Variants in KCNMA1 observed in about 807,000 individuals in gnomAD.
The protein encoded by KCNMA1 is potassium calcium-activated channel subfamily M alpha 1.
KCNMA1 carries 29 observed loss-of-function variants against 140.0 expected under a neutral mutation model. The observed-to-expected ratio is 0.21, with a 90% CI of 0.15 to 0.28. The LOEUF (loss-of-function observed/expected upper bound fraction) is 0.28. Ranked by LOEUF, KCNMA1 falls within the 10% of genes least tolerant of loss-of-function variation. The probability of loss-of-function intolerance (pLI) is 1.00; values close to 1 mark genes in which losing one functional copy is unlikely to be tolerated. For missense variants in KCNMA1, 880 were observed against 1,602.2 expected (o/e 0.55, Z 7.70); for synonymous variants, 612 against 611.9 (o/e 1.00, Z 0.00).
chr10:77,503,534 G>A (rs2044681082), intron 1 of KCNMA1, among the ~76,000 whole-genome samples: 2 of 152,114 alleles, frequency 1.3e-5, no homozygotes, highest in Non-Finnish European at 2.9e-5. Flanking sequence ...AAGCCGGGTG[G>A]CTTTATTTCA....
rs1311835688 is a variant in KCNMA1, at chr10:77,108,339, G to A, written c.1223+142C>T. On this transcript the variant is annotated intron_variant, in intron 9 of 27. Coordinates refer to ENST00000286628, the MANE Select transcript of KCNMA1 (RefSeq NM_001161352.2). The surrounding 1 kb of genome is among the most constrained non-coding windows in gnomAD (Gnocchi z 4.6). ...CGCCGAATTTATTCCGACTCAGGATGAGAGCAGCAATTTCGGGCACGTAGC... is the reference window on the plus strand; with the variant it reads ...CGCCGAATTTATTCCGACTCAGGATAAGAGCAGCAATTTCGGGCACGTAGC... The A allele has an allele frequency of 1.9e-6, 3 of 1,573,462 alleles. No homozygotes were observed. The highest frequency in any genetic ancestry group is 2.7e-5 in the African/African-American group (2 of 73,626).
chr10:77,607,298 G>A (rs776484040), intron 1 of KCNMA1, among the ~76,000 whole-genome samples: 8 of 152,148 alleles, frequency 5.3e-5, no homozygotes, highest in Non-Finnish European at 1.0e-4. Flanking sequence ...TCCTACCTCT[G>A]CTTGCAAAAG....
chr10:77,608,184 T>C (rs903672078), intron 1 of KCNMA1, among the ~76,000 whole-genome samples: 1 of 151,980 alleles, frequency 6.6e-6, no homozygotes, highest in African/African-American at 2.4e-5. Context: ...CTCATTTCTT[T>C]TTTTTGGAGA....
chr10:77,353,609 T>C (rs758125172), intron 2 of KCNMA1, among the ~76,000 whole-genome samples: 2 of 151,832 alleles, frequency 1.3e-5, no homozygotes, highest in South Asian at 2.1e-4. Context: ...TATATACATA[T>C]ATAATGCATA....
At chr10:77,008,267 T>C in intron 18 of KCNMA1, 1 of 1,427,598 alleles carries the variant, frequency 7.0e-7, no homozygotes. Flanking sequence ...AAATCAAAGA[T>C]ATGTCAATGA....
At chr10:77,509,129 TTG>T in intron 1 of KCNMA1, among the ~76,000 whole-genome samples, 1 of 143,480 alleles carries the variant, frequency 7.0e-6, no homozygotes, top group African/African-American at 2.7e-5. Context: ...GTTGTTGTTG[TTG>T]TTGTTGTTTG....
At position 77,345,713 on chromosome 10, in the gene KCNMA1, C is replaced by T. The variant is rs150251215; in HGVS notation, c.540+58149G>A. Among the ~76,000 whole-genome samples, 311 of 152,312 alleles carry T rather than the reference C, an allele frequency of 2.0e-3. 1 individual carries two copies. Among genetic ancestry groups the T allele is most frequent in the African/African-American group, 7.0e-3 (291 of 41,562 alleles). ...GTCTTCAACTGCCATGCAAATACCC[C>T]CTACTCTGCACCATGCAGTTCCCAT... On this transcript the variant is annotated intron_variant, in intron 2 of 27. Transcript: ENST00000286628.
At chr10:77,009,309 C>T (rs569919645) in intron 18 of KCNMA1, among the ~76,000 whole-genome samples, 4 of 152,192 alleles carry the variant, frequency 2.6e-5, no homozygotes, top group Non-Finnish European at 5.9e-5. Context: ...ATGGGCCTCT[C>T]TCTCCAGGAT....
intron 21 of KCNMA1, among the ~76,000 whole-genome samples, chr10:76,950,834 C>T (rs1418977264): frequency 3.3e-5 from 5 of 152,146 alleles, no homozygotes; most frequent in African/African-American, 9.7e-5. Flanking sequence ...TGCAATAGTC[C>T]AGGGAAACCG....
At chr10:77,296,989 T>G (rs1007225891) in intron 2 of KCNMA1, among the ~76,000 whole-genome samples, 2 of 151,962 alleles carry the variant, frequency 1.3e-5, no homozygotes, top group Non-Finnish European at 2.9e-5. Flanking sequence ...GAGCCTGGAC[T>G]TCCCCCAGCC....
At chr10:77,292,732 A>T (rs2073712269) in intron 2 of KCNMA1, among the ~76,000 whole-genome samples, 1 of 152,190 alleles carries the variant, frequency 6.6e-6, no homozygotes, top group African/African-American at 2.4e-5. Flanking sequence ...AGTTCCCTAC[A>T]TTAAATATAC....
intron 2 of KCNMA1, among the ~76,000 whole-genome samples, chr10:77,396,989 G>C (rs1363649645): frequency 6.6e-6 from 1 of 152,178 alleles, no homozygotes; most frequent in Non-Finnish European, 1.5e-5. Context: ...GTAAAGTCTA[G>C]GCAGTGTAGA....
chr10:76,936,440 T>TC (rs751224038), intron 23 of KCNMA1, among the ~76,000 whole-genome samples: 3 of 152,198 alleles, frequency 2.0e-5, no homozygotes, highest in Admixed American at 6.5e-5. Flanking sequence ...TAATTGTCTT[T>TC]CTGGTTTTTG....
downstream of KCNMA1, chr10:76,876,990 A>G (rs2032509991): frequency 6.6e-6 from 1 of 152,600 alleles, no homozygotes; most frequent in South Asian, 2.1e-4. Flanking sequence ...TGTGCCCACA[A>G]CCCTCCTGGT....
At chr10:76,954,540 AG>A (rs1413766110) in intron 20 of KCNMA1, among the ~76,000 whole-genome samples, 1 of 152,238 alleles carries the variant, frequency 6.6e-6, no homozygotes, top group Non-Finnish European at 1.5e-5. Flanking sequence ...TTAAAGATTC[AG>A]CAGCATGTCA....
At chr10:77,313,593 G>A (rs1025792267) in intron 2 of KCNMA1, among the ~76,000 whole-genome samples, 1 of 152,134 alleles carries the variant, frequency 6.6e-6, no homozygotes, top group Non-Finnish European at 1.5e-5. Flanking sequence ...GGAAACTCAG[G>A]GAAAGCAGAT....
chr10:77,276,352 C>T (rs1260047803), intron 2 of KCNMA1, among the ~76,000 whole-genome samples: 1 of 152,222 alleles, frequency 6.6e-6, no homozygotes, highest in African/African-American at 2.4e-5. Context: ...AACTCAGAAT[C>T]TTGAGCCAGT....
intron 23 of KCNMA1, among the ~76,000 whole-genome samples, chr10:76,930,593 C>G (rs1012187439): frequency 6.6e-6 from 1 of 152,122 alleles, no homozygotes; most frequent in Admixed American, 6.6e-5. Context: ...AATAGAACCA[C>G]CACATGATTT....
intron 19 of KCNMA1, among the ~76,000 whole-genome samples, chr10:77,000,186 G>A (rs953840949): frequency 2.6e-5 from 4 of 152,238 alleles, no homozygotes; most frequent in African/African-American, 9.6e-5. Context: ...AGGACAGGGA[G>A]CAAGAGGTTA....
Sources: allele counts gnomAD v4.1 joint callset (sites outside exome capture counted in the v4.1 genomes callset), GRCh38; gene constraint gnomAD v4.1.1; non-coding constraint Gnocchi (gnomAD v3.1); transcripts MANE v1.5; gene names NCBI Gene and HGNC (gene_info 2026-07-23, HGNC 2026-07-21).